The following OR8J1 variants were observed in gnomAD, a reference collection of about 807,000 sequenced individuals.
The protein encoded by OR8J1 is olfactory receptor family 8 subfamily J member 1.
For synonymous variants in OR8J1, 157 were observed against 144.3 expected (o/e 1.09, Z -0.63); for missense variants, 400 against 373.0 (o/e 1.07, Z -0.60).
At chr11:56,359,078 A>G (rs2134915071) in intron 1 of OR8J1, among the ~76,000 whole-genome samples, 1 of 152,210 alleles carries the variant, frequency 6.6e-6, no homozygotes, top group African/African-American at 2.4e-5. Context: ...TAAATGATAT[A>G]GTGTTAACTC....
chr11:56,357,963 GGAA>G (rs1852579376), intron 1 of OR8J1: 4 of 898,210 alleles, frequency 4.5e-6, no homozygotes, highest in African/African-American at 3.3e-5. Flanking sequence ...GCTACTTAAT[GGAA>G]GAAGATGAAG....
Position 56,361,038 on chromosome 11 carries a change from T to G in OR8J1, c.792T>G (p.Ser264Arg). The G allele has an allele frequency of 1.3e-6, 2 of 1,499,980 alleles. No homozygotes were observed. Among genetic ancestry groups the G allele is most frequent in the Non-Finnish European group, 1.8e-6 (2 of 1,133,368 alleles). The allele number at this position is 1,499,980 out of a possible 1,614,324, so 92.9% of individuals were successfully genotyped here. The change falls in exon 2 of 2, where the codon AGT (serine) becomes AGG (arginine). Residue 264 changes from serine to arginine, a missense_variant. Coordinates refer to ENST00000533152, the MANE Select transcript of OR8J1 (RefSeq NM_001005205.3). ...TATTCATGTATGTGCAGCCCCGAAG[T>G]AACCATTCACTGGATACTGATGATA... ...TLLFMYVQPR[S>R]NHSLDTDDKM...
At position 56,361,080 on chromosome 11, in the gene OR8J1, T is replaced by C; in HGVS notation, c.834T>C (p.Phe278=). ...CTGATGATAAGATGGCTTCTGTGTT[T>C]TACACGTTGGTAATTCCTATGCTGA... The part of the protein sequence containing the change: ...LDTDDKMASV[F]YTLVIPMLNP... The change falls in exon 2 of 2, where the codon TTT becomes TTC. Residue 278 remains phenylalanine, a synonymous_variant. Coordinates refer to ENST00000533152, the MANE Select transcript of OR8J1 (RefSeq NM_001005205.3). 6.6e-7 allele frequency: 1 copy of C among 1,519,024 alleles called. No homozygotes were observed. Among genetic ancestry groups the C allele is most frequent in the Non-Finnish European group, 8.8e-7 (1 of 1,141,400 alleles). 94.1% of individuals were successfully genotyped at this position (1,519,024 alleles called of 1,614,324 possible). A position where few individuals can be genotyped will look rare whatever the true frequency, so the allele number is the denominator to read the frequency against.
chr11:56,361,021 T>C lies in OR8J1; in HGVS notation c.775T>C (p.Tyr259His), dbSNP rs761282770. ...TTTTTATGGGACATTGCTATTCATG[T>C]ATGTGCAGCCCCGAAGTAACCATTC... The part of the protein sequence containing the change: ...TIFYGTLLFM[Y>H]VQPRSNHSLD... Residue 259 changes from tyrosine to histidine, a missense_variant, in exon 2 of 2, where the codon TAT becomes CAT. Tyr to His is a moderately conservative substitution (Grantham distance 83). Coordinates refer to ENST00000533152, the MANE Select transcript of OR8J1 (RefSeq NM_001005205.3). 1.3e-6 allele frequency: 2 copies of C among 1,500,412 alleles called. No homozygotes were observed. The highest frequency in any genetic ancestry group is 1.8e-6 in the Non-Finnish European group (2 of 1,132,564). 92.9% of individuals were successfully genotyped at this position (1,500,412 alleles called of 1,614,324 possible).
chr11:56,357,519 T>C (rs942538876), intron 1 of OR8J1: 2 of 846,494 alleles, frequency 2.4e-6, no homozygotes, highest in Non-Finnish European at 4.0e-6. Context: ...TCAGATTGCT[T>C]ATGGCTGTAT....
chr11:56,359,252 C>A (rs1852601222), intron 1 of OR8J1, among the ~76,000 whole-genome samples: 1 of 151,728 alleles, frequency 6.6e-6, no homozygotes. Context: ...AATATTTAGC[C>A]ATATTAAAAT....
chr11:56,357,243 C>T, intron 1 of OR8J1: 1 of 321,374 alleles, frequency 3.1e-6, no homozygotes, highest in African/African-American at 2.1e-5. Context: ...TTTCACCTAT[C>T]TTAAAATTTT....
At chr11:56,357,879 G>A in intron 1 of OR8J1, 1 of 888,564 alleles carries the variant, frequency 1.1e-6, no homozygotes, top group Non-Finnish European at 1.9e-6. Context: ...TTATGATTCT[G>A]AAAGCAAGGG....
intron 1 of OR8J1, 131 bp from the exon 2 acceptor site, chr11:56,360,096 C>T: frequency 3.7e-6 from 2 of 544,562 alleles, no homozygotes; most frequent in Non-Finnish European, 3.1e-6. Context: ...GACCTAGAAG[C>T]TTGAGTTTAA....
In OR8J1 at chr11:56,360,446, C is replaced by T. The variant is rs147013138; in HGVS notation, c.200C>T (p.Ala67Val). 1.9e-6 allele frequency: 3 copies of T among 1,613,988 alleles called. No homozygotes were observed. The highest frequency in any genetic ancestry group is 2.7e-5 in the African/African-American group (2 of 74,918). ...TPMYFFLQHL[A>V]LINLGNSTVI... ...ATGTACTTTTTCCTGCAACATCTGG[C>T]TCTCATTAATCTTGGTAACTCTACT... Residue 67 changes from alanine to valine, a missense_variant, in exon 2 of 2, where the codon GCT becomes GTT. Transcript: ENST00000533152.
intron 1 of OR8J1, among the ~76,000 whole-genome samples, chr11:56,358,811 C>T (rs759077758): frequency 1.2e-4 from 18 of 151,836 alleles, no homozygotes; most frequent in East Asian, 1.9e-4. Context: ...GAAGTTTGCA[C>T]GTTACCAGAG....
intron 1 of OR8J1, among the ~76,000 whole-genome samples, chr11:56,355,501 G>A (rs192262907): frequency 7.2e-4 from 109 of 152,044 alleles, no homozygotes; most frequent in African/African-American, 2.4e-3. Context: ...GGTGGCGCCC[G>A]CCTGTAATCC....
Position 56,357,552 on chromosome 11 carries a change from G to A in OR8J1, c.-20-2675G>A, listed in dbSNP as rs572751815. 235 of 882,484 alleles carry A rather than the reference G, an allele frequency of 2.7e-4. 1 individual carries two copies. In the South Asian group the frequency reaches 2.7e-3, roughly 10 times the overall value. 54.7% of individuals were successfully genotyped at this position (882,484 alleles called of 1,614,324 possible). On this transcript the variant is annotated intron_variant, in intron 1 of 1. Coordinates refer to ENST00000533152, the MANE Select transcript of OR8J1 (RefSeq NM_001005205.3). ...TATAGAGGGGAATGTGATAGTCCGC[G>A]CGGCACATGCACACGAACTGCCAAA...
chr11:56,357,535 G>A, intron 1 of OR8J1: 2 of 855,988 alleles, frequency 2.3e-6, no homozygotes, highest in Non-Finnish European at 4.0e-6. Context: ...TGTATAGAGG[G>A]GAATGTGATA....
chr11:56,361,123 C>G lies in OR8J1; in HGVS notation c.877C>G (p.Leu293Val), dbSNP rs766125912. The G allele has an allele frequency of 2.7e-6, 4 of 1,489,554 alleles. No individual in the cohort carries two copies. The South Asian group carries it at 6.2e-5, about 23-fold the overall frequency. The allele number at this position is 1,489,554 out of a possible 1,614,324, so 92.3% of individuals were successfully genotyped here. A position where few individuals can be genotyped will look rare whatever the true frequency, so the allele number is the denominator to read the frequency against. Residue 293 changes from leucine (L) to valine (V), a missense_variant, in exon 2 of 2, where the codon CTG becomes GTG. Coordinates refer to ENST00000533152, the MANE Select transcript of OR8J1 (RefSeq NM_001005205.3). ...IPMLNPLIYS[L>V]RNKDVKTALQ... is the part of the protein sequence containing the mutation. ...TATGCTGAATCCCTTGATCTACAGC[C>G]TGAGGAATAAGGATGTGAAGACTGC...
chr11:56,357,639 G>A, intron 1 of OR8J1: 1 of 1,451,256 alleles, frequency 6.9e-7, no homozygotes, highest in Non-Finnish European at 9.6e-7. Flanking sequence ...CCTGCTGCTG[G>A]CCTGCAGGCT....
rs1316233274 is a variant in OR8J1 at position 56,360,790 on chromosome 11, G to T, written c.544G>T (p.Val182Phe). 1 of 1,574,194 alleles carries T rather than the reference G, an allele frequency of 6.4e-7. No individual in the cohort carries two copies. The highest frequency in any genetic ancestry group is 8.6e-7 in the Non-Finnish European group (1 of 1,165,606). ...NIINHFYCDNVPLLALSCSDT... is the reference protein window; with the variant it reads ...NIINHFYCDNFPLLALSCSDT... The stretch of plus-strand genomic sequence containing the variant: ...AATCAATCATTTTTACTGTGATAAT[G>T]TTCCTCTGTTAGCATTATCTTGCTC... Residue 182 changes from valine to phenylalanine, a missense_variant, in exon 2 of 2, where the codon GTT becomes TTT. Transcript: ENST00000533152.
At chr11:56,356,964 A>G (rs559630835) in intron 1 of OR8J1, among the ~76,000 whole-genome samples, 1 of 152,216 alleles carries the variant, frequency 6.6e-6, no homozygotes, top group South Asian at 2.1e-4. Context: ...TCTCTCATAT[A>G]TAAGTTATAT....
At chr11:56,358,058 A>C in intron 1 of OR8J1, 89 of 613,264 alleles carry the variant, frequency 1.5e-4, no homozygotes, top group Middle Eastern at 4.8e-4. Flanking sequence ...AAGAAAGCTC[A>C]TGCTGCTATA....
Sources: allele counts gnomAD v4.1 joint callset (sites outside exome capture counted in the v4.1 genomes callset), GRCh38; gene constraint gnomAD v4.1.1; transcripts MANE v1.5; gene names NCBI Gene and HGNC (gene_info 2026-07-23, HGNC 2026-07-21).